Variants in TATDN3 observed in about 807,000 individuals in gnomAD.
TATDN3 encodes TatD DNase domain containing 3, also known as deoxyribonuclease TATDN3.
A neutral mutation model predicts 40.1 loss-of-function variants in TATDN3; 29 were observed. That is an observed-to-expected ratio of 0.72 (90% confidence interval 0.54 to 0.99). The LOEUF is 0.99. Among genes scored for constraint, TATDN3 ranks in the 50% least tolerant of loss-of-function variants. The pLI is 0.00. For synonymous variants in TATDN3, 105 were observed against 117.0 expected, an observed-to-expected ratio of 0.90 and a Z score of 0.66; for missense variants, 309 against 321.9, an observed-to-expected ratio of 0.96 and a Z score of 0.31.
intron 4 of TATDN3, 103 bp downstream of exon 4, chr1:212,797,299 C>T (rs963160527): frequency 5.8e-6 from 5 of 856,268 alleles, no homozygotes; most frequent in Non-Finnish European, 7.3e-6. Flanking sequence ...GGAAATAATC[C>T]AAAAGAAGGA....
At chr1:212,808,312 C>CA (rs34100841) in intron 8 of TATDN3, among the ~76,000 whole-genome samples, 36,509 of 110,918 alleles carry the variant, frequency 0.33, 6,135 homozygotes, top group East Asian at 0.42. Flanking sequence ...AACTCCATCT[C>CA]AAAAAAAAAA....
chr1:212,814,359 A>G (rs1180569156), intron 9 of TATDN3, among the ~76,000 whole-genome samples: 1 of 152,186 alleles, frequency 6.6e-6, no homozygotes, highest in African/African-American at 2.4e-5. Context: ...TCCTGAGTAG[A>G]TACTTATTGA....
chr1:212,793,479 C>T (rs1661496004), intron 1 of TATDN3, among the ~76,000 whole-genome samples: 1 of 152,002 alleles, frequency 6.6e-6, no homozygotes, highest in South Asian at 2.1e-4. Flanking sequence ...CTCCCAAAGT[C>T]CTGGGATTAC....
Position 212,806,837 on chromosome 1 carries a change from C to CACATATATACAT in TATDN3, c.488-898_488-897insCATATATACATA, listed in dbSNP as rs1553257567. ...ATATACACATATATACATATATATA[C>CACATATATACAT]ATATATACACATATATACATATGTA... is the stretch of plus-strand genomic sequence containing the variant. On this transcript the variant is annotated intron_variant, in intron 7 of 9. Coordinates refer to ENST00000366974, the MANE Select transcript of TATDN3 (RefSeq NM_001042552.3). 1.1e-3 allele frequency among the ~76,000 whole-genome samples: 54 copies of CACATATATACAT among 51,376 alleles called. 3 individuals are homozygous for CACATATATACAT. Among genetic ancestry groups the CACATATATACAT allele is most frequent in the African/African-American group, 3.0e-3 (43 of 14,378 alleles). 33.7% of individuals were successfully genotyped at this position (51,376 alleles called of 152,430 possible).
At chr1:212,804,464 G>C in intron 6 of TATDN3, 35 bp downstream of exon 6, 1 of 1,581,264 alleles carries the variant, frequency 6.3e-7, no homozygotes, top group African/African-American at 1.3e-5. Context: ...AATAGCTATA[G>C]AGCAAATTAA....
intron 4 of TATDN3, among the ~76,000 whole-genome samples, chr1:212,801,843 A>G (rs939802085): frequency 2.0e-5 from 3 of 150,382 alleles, no homozygotes; most frequent in African/African-American, 7.5e-5. Context: ...CTACTAGAAT[A>G]TATTTCAAGG....
intron 4 of TATDN3, among the ~76,000 whole-genome samples, chr1:212,800,200 T>G (rs547762797): frequency 6.6e-6 from 1 of 152,272 alleles, no homozygotes; most frequent in South Asian, 2.1e-4. Context: ...GTTTAGGCAC[T>G]GGGGATAAAC....
intron 4 of TATDN3, among the ~76,000 whole-genome samples, chr1:212,800,390 T>C (rs1662095918): frequency 6.6e-6 from 1 of 151,622 alleles, no homozygotes; most frequent in African/African-American, 2.4e-5. Flanking sequence ...TTTTTTTTTT[T>C]TGAGATAGAA....
chr1:212,812,530 G>A (rs1662947838), intron 9 of TATDN3, among the ~76,000 whole-genome samples: 1 of 152,162 alleles, frequency 6.6e-6, no homozygotes, highest in African/African-American at 2.4e-5. Flanking sequence ...AATGAAGCAT[G>A]TCCTAATGTA....
intron 9 of TATDN3, among the ~76,000 whole-genome samples, chr1:212,813,657 A>T (rs557110315): frequency 6.7e-6 from 1 of 149,270 alleles, no homozygotes; most frequent in African/African-American, 2.5e-5. Context: ...TTCTGGGTTC[A>T]GATGATTCTC....
In TATDN3 at chr1:212,791,910, C is replaced by G. The variant is rs1661320151; in HGVS notation, c.-12C>G. On this transcript the variant is annotated 5_prime_UTR_variant, in exon 1 of 10. Transcript: ENST00000366974. ...CTGCTGGCCGGTCTAAAGCGGCAGCCGCCGGGGCGCAATGCGAGCGGCTGG... is the reference window on the plus strand; with the variant it reads ...CTGCTGGCCGGTCTAAAGCGGCAGCGGCCGGGGCGCAATGCGAGCGGCTGG... 1 of 1,612,960 alleles carries G rather than the reference C, an allele frequency of 6.2e-7. No homozygotes were observed. Among genetic ancestry groups the G allele is most frequent in the South Asian group, 1.1e-5 (1 of 90,990 alleles).
intron 2 of TATDN3, among the ~76,000 whole-genome samples, chr1:212,795,803 T>G (rs949754070): frequency 6.6e-6 from 1 of 152,154 alleles, no homozygotes; most frequent in Non-Finnish European, 1.5e-5. Context: ...ACAATAGCCT[T>G]CTGAGGAAAT....
intron 8 of TATDN3, among the ~76,000 whole-genome samples, chr1:212,811,698 A>T (rs1248122649): frequency 6.7e-6 from 1 of 148,918 alleles, no homozygotes; most frequent in Non-Finnish European, 1.5e-5. Flanking sequence ...TTTTTATTTT[A>T]TTATTATTAT....
chr1:212,806,899 CATATGTATATACACATATATACAT>C (rs1438870292), intron 7 of TATDN3, among the ~76,000 whole-genome samples: 9 of 140,562 alleles, frequency 6.4e-5, no homozygotes, highest in Non-Finnish European at 1.4e-4. Flanking sequence ...CACATATATA[CATATGTATATACACATATATACAT>C]ATATATATAT....
chr1:212,805,453 A>G (rs1456511689), intron 7 of TATDN3, among the ~76,000 whole-genome samples: 3 of 146,422 alleles, frequency 2.0e-5, no homozygotes, highest in South Asian at 2.2e-4. Context: ...ATGGGGTTTC[A>G]CGATGTTGGC....
chr1:212,803,451 T>G (rs1001199116), intron 5 of TATDN3, among the ~76,000 whole-genome samples: 1 of 152,144 alleles, frequency 6.6e-6, no homozygotes, highest in Non-Finnish European at 1.5e-5. Context: ...CCCAAAGTGC[T>G]GGGATTACAG....
chr1:212,808,433 C>G (rs541775016), intron 8 of TATDN3, among the ~76,000 whole-genome samples: 22 of 151,134 alleles, frequency 1.5e-4, no homozygotes, highest in African/African-American at 4.4e-4. Context: ...AAGAAAAAAA[C>G]AAATTTATTG....
intron 3 of TATDN3, chr1:212,796,889 C>G (rs1372009014): frequency 2.0e-6 from 1 of 502,788 alleles, no homozygotes; most frequent in Non-Finnish European, 3.5e-6. Context: ...GCATGCACCA[C>G]CAGGCCTGGC....
At chr1:212,813,060 C>T (rs1018185304) in intron 9 of TATDN3, among the ~76,000 whole-genome samples, 10 of 151,956 alleles carry the variant, frequency 6.6e-5, no homozygotes, top group African/African-American at 2.4e-4. Flanking sequence ...CGTATGTGAA[C>T]GTAACTAGCA....
Sources: gnomAD v4.1 joint callset for allele counts (sites outside exome capture counted in the v4.1 genomes callset) on GRCh38, gnomAD v4.1.1 for gene constraint, MANE v1.5 for transcripts, NCBI Gene and HGNC (gene_info 2026-07-23, HGNC 2026-07-21) for gene names.